Variants in IL5RA observed in about 807,000 individuals in gnomAD.
IL5RA encodes interleukin 5 receptor subunit alpha.
A neutral mutation model predicts 50.0 loss-of-function variants in IL5RA; 49 were observed. The ratio of observed to expected loss-of-function variants is 0.98; its 90% CI spans 0.78 to 1.24. The LOEUF (loss-of-function observed/expected upper bound fraction) is 1.24. Ranked by LOEUF, IL5RA falls within the 50% of genes most tolerant of loss-of-function variation. The pLI is 0.00. For missense variants in IL5RA, 600 were observed against 500.4 expected (o/e 1.20, Z -1.90); for synonymous variants, 202 against 174.0 (o/e 1.16, Z -1.26).
At position 3,069,070 on chromosome 3, in the gene IL5RA, G is replaced by A. The variant is rs1429034583; in HGVS notation, c.*1155C>T. The A allele has an allele frequency of 1.3e-5, 2 of 151,930 alleles. No homozygotes were observed. The highest frequency in any genetic ancestry group is 3.9e-4 in the East Asian group (2 of 5,178). 9.4% of individuals were successfully genotyped at this position (151,930 alleles called of 1,614,324 possible). A position where few individuals can be genotyped will look rare whatever the true frequency, so the allele number is the denominator to read the frequency against. On this transcript the variant is annotated 3_prime_UTR_variant, in exon 12 of 12. Coordinates refer to ENST00000446632, the MANE Select transcript of IL5RA (RefSeq NM_175726.4). ...AGAAAGCATTTAAAGAGTGTGCCAGGTGGGGATTCTGGGCACTGTTACCTC... is the reference window on the plus strand; with the variant it reads ...AGAAAGCATTTAAAGAGTGTGCCAGATGGGGATTCTGGGCACTGTTACCTC...
chr3:3,100,626 C>A (rs1277989481), intron 5 of IL5RA, among the ~76,000 whole-genome samples: 1 of 152,178 alleles, frequency 6.6e-6, no homozygotes, highest in Non-Finnish European at 1.5e-5. Flanking sequence ...TTATTAGTGT[C>A]ATCCTGTATC....
chr3:3,086,603 C>A (rs1021236869), intron 9 of IL5RA, among the ~76,000 whole-genome samples: 1 of 151,908 alleles, frequency 6.6e-6, no homozygotes, highest in Non-Finnish European at 1.5e-5. Context: ...GAGGCTAAGG[C>A]AGGAGGATTG....
At chr3:3,107,586 TTAAAA>T (rs1703987791) in intron 2 of IL5RA, among the ~76,000 whole-genome samples, 2 of 152,072 alleles carry the variant, frequency 1.3e-5, no homozygotes, top group African/African-American at 2.4e-5. Context: ...CATTAAATTG[TTAAAA>T]TAAGATGCAA....
intron 5 of IL5RA, among the ~76,000 whole-genome samples, chr3:3,100,570 A>T (rs1219811020): frequency 6.6e-6 from 1 of 152,248 alleles, no homozygotes; most frequent in East Asian, 1.9e-4. Flanking sequence ...TCTCATCCAA[A>T]GAATCATTTA....
At chr3:3,079,851 T>A (rs938261039) in intron 9 of IL5RA, among the ~76,000 whole-genome samples, 1 of 152,160 alleles carries the variant, frequency 6.6e-6, no homozygotes, top group South Asian at 2.1e-4. Flanking sequence ...CTGGCCAACA[T>A]GGTGAAAGCC....
chr3:3,093,710 T>C (rs1703234411), intron 8 of IL5RA, among the ~76,000 whole-genome samples: 1 of 152,206 alleles, frequency 6.6e-6, no homozygotes, highest in African/African-American at 2.4e-5. Context: ...CACCCCCATC[T>C]CTAGCTGTAC....
chr3:3,101,691 C>T lies in IL5RA; in HGVS notation c.367+1G>A. The T allele has an allele frequency of 6.2e-7, 1 of 1,612,426 alleles. No individual in the cohort carries two copies. Among genetic ancestry groups the T allele is most frequent in the South Asian group, 1.1e-5 (1 of 90,562 alleles). ...ACTGGACTTTTGGAGGCCTGCTTTACCTGGTGGGGCATGAAGTTCAGCAGA... is the reference window on the plus strand; with the variant it reads ...ACTGGACTTTTGGAGGCCTGCTTTATCTGGTGGGGCATGAAGTTCAGCAGA... On this transcript the variant is annotated splice_donor_variant, in intron 5 of 11. Transcript: ENST00000446632. LOFTEE classifies it high-confidence loss of function.
intron 9 of IL5RA, among the ~76,000 whole-genome samples, chr3:3,088,947 T>G (rs539234483): frequency 6.6e-6 from 1 of 152,296 alleles, no homozygotes; most frequent in Admixed American, 6.5e-5. Context: ...TTGTTAAAAA[T>G]TCCCTGAGAC....
chr3:3,097,640 C>T lies in IL5RA; in HGVS notation c.709+230G>A, dbSNP rs547020444. Among the ~76,000 whole-genome samples the T allele has an allele frequency of 5.9e-4, 89 of 152,058 alleles. No homozygotes were observed. The Middle Eastern group carries it at 0.014, about 23-fold the overall frequency. ...TCTAGTGTGTAGAGGCCAGAGATGC[C>T]GCTAAATATCCTACAGTGCCCAGCA... is the stretch of plus-strand genomic sequence containing the variant. On this transcript the variant is annotated intron_variant, in intron 7 of 11. Coordinates refer to ENST00000446632, the MANE Select transcript of IL5RA (RefSeq NM_175726.4).
chr3:3,099,037 A>G (rs1291860663), intron 5 of IL5RA, among the ~76,000 whole-genome samples: 1 of 152,166 alleles, frequency 6.6e-6, no homozygotes, highest in Non-Finnish European at 1.5e-5. Context: ...ATCCCTTTCC[A>G]TCCTAGAATT....
intron 1 of IL5RA, among the ~76,000 whole-genome samples, chr3:3,109,194 G>C (rs751577965): frequency 3.3e-5 from 5 of 151,702 alleles, no homozygotes; most frequent in Non-Finnish European, 7.4e-5. Context: ...ATGGAAATAT[G>C]CTTACCTTGC....
chr3:3,104,077 T>C lies in IL5RA; in HGVS notation c.82+826A>G, dbSNP rs1353852810. ...TTTTTGAGACAGAGTCTCACTCTGT[T>C]GCCCAGGCTGGAGGGCAGTGTTGTG... On this transcript the variant is annotated intron_variant, in intron 3 of 11. Coordinates refer to ENST00000446632, the MANE Select transcript of IL5RA (RefSeq NM_175726.4). Among the ~76,000 whole-genome samples, 4 of 152,216 alleles carry C rather than the reference T, an allele frequency of 2.6e-5. No homozygotes were observed. In the East Asian group the frequency reaches 7.7e-4, roughly 29 times the overall value.
intron 5 of IL5RA, among the ~76,000 whole-genome samples, chr3:3,100,020 A>C (rs146276836): frequency 1.6e-3 from 244 of 152,292 alleles, no homozygotes; most frequent in Non-Finnish European, 2.7e-3. Flanking sequence ...GATTTCTCAA[A>C]TTATGTGACT....
chr3:3,097,931 G>C lies in IL5RA; in HGVS notation c.648C>G (p.Asn216Lys). The change falls in exon 7 of 12, where the codon AAC (asparagine) becomes AAG (lysine). Residue 216 changes from asparagine (N) to lysine (K), a missense_variant. By Grantham distance (94) the Asn-to-Lys change is moderately conservative. Coordinates refer to ENST00000446632, the MANE Select transcript of IL5RA (RefSeq NM_175726.4). ...KGRDWLAVLV[N>K]GSSKHSAIRP... The stretch of plus-strand genomic sequence containing the variant: ...TGATAGCAGAGTGCTTGCTGGAGCC[G>C]TTAACAAGCACCGCAAGCCAGTCAC... 6.2e-7 allele frequency: 1 copy of C among 1,614,132 alleles called. No homozygotes were observed. Among genetic ancestry groups the C allele is most frequent in the Admixed American group, 1.7e-5 (1 of 60,012 alleles).
At chr3:3,091,144 G>T (rs1052422389) in intron 9 of IL5RA, among the ~76,000 whole-genome samples, 1 of 152,134 alleles carries the variant, frequency 6.6e-6, no homozygotes, top group African/African-American at 2.4e-5. Flanking sequence ...ATATCTGCTA[G>T]GCTGAAGGCT....
At position 3,067,592 on chromosome 3, in the gene IL5RA, ACT is replaced by A. The variant is rs1337592200; in HGVS notation, c.*2631_*2632del. The A allele has an allele frequency of 6.6e-6, 1 of 152,244 alleles. No homozygotes were observed. Among genetic ancestry groups the A allele is most frequent in the African/African-American group, 2.4e-5 (1 of 41,426 alleles). The allele number at this position is 152,244 out of a possible 1,614,324, so 9.4% of individuals were successfully genotyped here. On this transcript the variant is annotated 3_prime_UTR_variant, in exon 12 of 12. Transcript: ENST00000446632. ...GAGAATCCAGAGGCGGGATCAACCA[ACT>A]CTGCTTTTGAAGGCTTCATGGAGGA... is the stretch of plus-strand genomic sequence containing the variant.
chr3:3,094,780 T>A (rs1467684559), intron 8 of IL5RA, among the ~76,000 whole-genome samples: 1 of 152,232 alleles, frequency 6.6e-6, no homozygotes, highest in Non-Finnish European at 1.5e-5. Flanking sequence ...TGGAGTGCAG[T>A]GGCGCCATCT....
At chr3:3,103,045 G>A (rs1469588074) in intron 3 of IL5RA, 4 of 351,942 alleles carry the variant, frequency 1.1e-5, no homozygotes, top group African/African-American at 8.6e-5. Flanking sequence ...GGGCTAATGT[G>A]GGTTTTTTGG....
intron 9 of IL5RA, among the ~76,000 whole-genome samples, chr3:3,089,490 G>T (rs546362401): frequency 1.3e-5 from 2 of 152,274 alleles, no homozygotes; most frequent in East Asian, 3.9e-4. Context: ...TAGCTTAAGC[G>T]AATGAATTAA....
Sources: allele counts gnomAD v4.1 joint callset (sites outside exome capture counted in the v4.1 genomes callset), GRCh38; gene constraint gnomAD v4.1.1; transcripts MANE v1.5; gene names NCBI Gene and HGNC (gene_info 2026-07-23, HGNC 2026-07-21).